IRAG2: variants seen among roughly 807,000 people sequenced by gnomAD.
IRAG2 encodes the protein lymphoid restricted membrane protein.
Under a neutral mutation model 69.9 loss-of-function variants are expected in IRAG2, and 45 were observed. The observed-to-expected ratio is 0.64, with a 90% CI of 0.51 to 0.83. The LOEUF is 0.83. IRAG2 is among the 40% of genes least tolerant of loss of function. The pLI is 0.00. For missense variants in IRAG2, 520 were observed against 587.0 expected (o/e 0.89, Z 1.18); for synonymous variants, 193 against 202.4 (o/e 0.95, Z 0.40).
upstream of IRAG2, among the ~76,000 whole-genome samples, chr12:25,050,981 TGAG>T (rs1479109855): frequency 2.6e-5 from 4 of 152,076 alleles, no homozygotes; most frequent in Non-Finnish European, 2.9e-5. Context: ...GGAGGGGAAA[TGAG>T]GAGTTGCTAC....
intron 10 of IRAG2, among the ~76,000 whole-genome samples, chr12:25,086,488 C>T (rs1693359): frequency 0.27 from 41,193 of 151,962 alleles, 6,146 homozygotes; most frequent in African/African-American, 0.38. Context: ...CATAAACTCA[C>T]CTGTGCGGTT....
At chr12:25,046,043 G>C (rs1944790519) in intron 16 of IRAG2, among the ~76,000 whole-genome samples, 1 of 151,974 alleles carries the variant, frequency 6.6e-6, no homozygotes, top group Admixed American at 6.6e-5. Context: ...TTTATTTCTG[G>C]GATGCAAGGA....
intron 16 of IRAG2, among the ~76,000 whole-genome samples, chr12:25,045,368 G>C (rs1244736302): frequency 1.3e-5 from 2 of 151,954 alleles, no homozygotes; most frequent in Non-Finnish European, 2.9e-5. Context: ...TAAGCCCAAA[G>C]TTCCTTCCCA....
At chr12:25,090,835 G>C in intron 14 of IRAG2, 1 of 454,588 alleles carries the variant, frequency 2.2e-6, no homozygotes, top group Non-Finnish European at 4.4e-6. Flanking sequence ...GAATCATACA[G>C]AAAACTGAGC....
At chr12:25,051,440 T>A (rs1016526966), upstream of IRAG2, among the ~76,000 whole-genome samples, 1 of 152,222 alleles carries the variant, frequency 6.6e-6, no homozygotes, top group Non-Finnish European at 1.5e-5. Context: ...CTCCCGACAT[T>A]TATCACCACT....
At chr12:25,051,099 T>G (rs1017706561), upstream of IRAG2, among the ~76,000 whole-genome samples, 2 of 152,134 alleles carry the variant, frequency 1.3e-5, no homozygotes, top group African/African-American at 2.4e-5. Context: ...ACTTAAAAAT[T>G]TGTTAAGTGG....
In IRAG2 at chr12:25,104,062, AGT is replaced by A; in HGVS notation, c.1046+7_1046+8del. The A allele has an allele frequency of 2.5e-6, 4 of 1,612,962 alleles. No individual in the cohort carries two copies. The highest frequency in any genetic ancestry group is 3.4e-6 in the Non-Finnish European group (4 of 1,179,552). ...TCAGTAGAAGGTCAAGCAGTTGGTA[AGT>A]GTAATTTTATGGTTCCTCTTTGGGA... On this transcript the variant is annotated splice_donor_5th_base_variant and intron_variant, in intron 19 of 21. Transcript: ENST00000556887.
At chr12:25,080,355 C>CTT (rs558659761) in intron 9 of IRAG2, among the ~76,000 whole-genome samples, 15,121 of 140,974 alleles carry the variant, frequency 0.11, 1,045 homozygotes, top group African/African-American at 0.17. Flanking sequence ...TTTCTTTTAT[C>CTT]TTTTTTTTTT....
At chr12:25,017,295 G>A in intron 6 of IRAG2, 1 of 1,232,114 alleles carries the variant, frequency 8.1e-7, no homozygotes, top group Non-Finnish European at 1.0e-6. Context: ...GTAAAAAGGT[G>A]AGCCACAGTG....
rs1227172414 is a variant in IRAG2 at position 25,103,875 on chromosome 12, C to T, written c.972C>T (p.Pro324=). The change falls in exon 18 of 22, where the codon CCC becomes CCT. Residue 324 remains proline, a synonymous_variant. Transcript: ENST00000556887. ...GAAGAGTGACTATTGCCTCTTTACC[C>T]AGAAATATTGGAAATGCAGGAATGG... is the stretch of plus-strand genomic sequence containing the variant. ...SLRRVTIASL[P]RNIGNAGMVA... 6.2e-7 allele frequency: 1 copy of T among 1,613,308 alleles called. No individual in the cohort carries two copies. The highest frequency in any genetic ancestry group is 8.5e-7 in the Non-Finnish European group (1 of 1,179,472).
At chr12:25,048,642 C>A (rs1317159815), upstream of IRAG2, among the ~76,000 whole-genome samples, 3 of 152,046 alleles carry the variant, frequency 2.0e-5, no homozygotes, top group Non-Finnish European at 4.4e-5. Context: ...GTTAAAGTTC[C>A]TTGCAGACTC....
At chr12:25,021,000 A>G (rs1944574105) in intron 7 of IRAG2, 3 of 538,014 alleles carry the variant, frequency 5.6e-6, no homozygotes, top group Middle Eastern at 5.4e-4. Context: ...TCAGAAGTCA[A>G]TATCCTGATG....
chr12:25,031,449 G>A (rs1387035146), intron 10 of IRAG2, among the ~76,000 whole-genome samples: 1 of 152,142 alleles, frequency 6.6e-6, no homozygotes, highest in Non-Finnish European at 1.5e-5. Flanking sequence ...TTTTAAGGAG[G>A]TATCATTAGT....
intron 6 of IRAG2, 111 bp from the exon 7 acceptor site, chr12:25,079,133 G>A (rs778316002): frequency 9.6e-6 from 10 of 1,039,390 alleles, no homozygotes; most frequent in Middle Eastern, 2.9e-4. Context: ...CAAAAGAGCT[G>A]AGTAAATATG....
chr12:25,100,798 A>AGTAAGG (rs1431496418), intron 15 of IRAG2: 1 of 154,740 alleles, frequency 6.5e-6, no homozygotes, highest in Non-Finnish European at 1.4e-5. Flanking sequence ...TGCTGGCCAC[A>AGTAAGG]GTAAGGAAGG....
chr12:25,025,352 C>T (rs1014656900), intron 8 of IRAG2, among the ~76,000 whole-genome samples: 5 of 152,176 alleles, frequency 3.3e-5, no homozygotes, highest in African/African-American at 9.7e-5. Context: ...AGCTGAAAAT[C>T]GTGAGGCTGC....
At chr12:25,054,123 C>G (rs1945063316) in intron 1 of IRAG2, among the ~76,000 whole-genome samples, 1 of 152,156 alleles carries the variant, frequency 6.6e-6, no homozygotes. Context: ...GGTTATTCAA[C>G]ATATTATTGT....
intron 2 of IRAG2, among the ~76,000 whole-genome samples, chr12:25,007,576 C>T (rs1488455972): frequency 1.3e-5 from 2 of 152,168 alleles, no homozygotes; most frequent in African/African-American, 4.8e-5. Flanking sequence ...GGCCGGAGTG[C>T]AGTGGTGTGA....
intron 6 of IRAG2, among the ~76,000 whole-genome samples, chr12:25,070,297 G>A (rs908565492): frequency 5.1e-4 from 78 of 152,232 alleles, no homozygotes; most frequent in African/African-American, 1.9e-3. Flanking sequence ...CCCAGCTGGA[G>A]GCAACCACTA....
Sources: allele counts gnomAD v4.1 joint callset (sites outside exome capture counted in the v4.1 genomes callset), GRCh38; gene constraint gnomAD v4.1.1; transcripts MANE v1.5; gene names NCBI Gene and HGNC (gene_info 2026-07-23, HGNC 2026-07-21).